PKP2: variants seen among roughly 807,000 people sequenced by gnomAD.
The protein encoded by PKP2 is plakophilin 2.
Under a neutral mutation model 83.4 loss-of-function variants are expected in PKP2, and 73 were observed. The observed-to-expected ratio is 0.88, with a 90% CI of 0.72 to 1.06. The LOEUF (loss-of-function observed/expected upper bound fraction) is 1.06. PKP2 is among the 50% of genes least tolerant of loss of function. The pLI, the probability that PKP2 is intolerant of heterozygous loss-of-function variation, is 0.00. For missense variants in PKP2, 966 were observed against 1,065.4 expected (o/e 0.91, Z 1.30); for synonymous variants, 409 against 430.4 (o/e 0.95, Z 0.62).
At chr12:32,882,458 G>A (rs537278262) in intron 1 of PKP2, among the ~76,000 whole-genome samples, 30 of 152,236 alleles carry the variant, frequency 2.0e-4, no homozygotes, top group East Asian at 1.4e-3. Context: ...AGTTAATGGC[G>A]TGCTTCTTCC....
intron 4 of PKP2, among the ~76,000 whole-genome samples, chr12:32,858,084 AATAT>A (rs869148477): frequency 0.021 from 1,419 of 66,870 alleles, 75 homozygotes; most frequent in East Asian, 0.052. Context: ...AAAAAAAAAA[AATAT>A]ATATATATAT....
intron 4 of PKP2, among the ~76,000 whole-genome samples, chr12:32,863,612 A>T (rs900743887): frequency 4.6e-5 from 7 of 152,192 alleles, no homozygotes; most frequent in African/African-American, 1.7e-4. Context: ...AAATTACCAA[A>T]GCTCACTAAA....
In PKP2 at chr12:32,802,392, TACCGACTC is replaced by T; in HGVS notation, c.2167+3_2167+10del. 1 of 1,613,328 alleles carries T rather than the reference TACCGACTC, an allele frequency of 6.2e-7. No homozygotes were observed. The highest frequency in any genetic ancestry group is 8.5e-7 in the Non-Finnish European group (1 of 1,179,350). ...TGTACATATTACACATAGATACTTATACCGACTCACCAATTTCATTCTGCAGAGAAAGA... is the reference window on the plus strand; with the variant it reads ...TGTACATATTACACATAGATACTTATACCAATTTCATTCTGCAGAGAAAGA... On this transcript the variant is annotated splice_donor_5th_base_variant and intron_variant, in intron 10 of 12. Transcript: ENST00000340811.
At chr12:32,817,209 C>T (rs1439604907) in intron 9 of PKP2, among the ~76,000 whole-genome samples, 2 of 152,184 alleles carry the variant, frequency 1.3e-5, no homozygotes, top group Non-Finnish European at 2.9e-5. Context: ...ATAAATGGTG[C>T]TGGGATAACT....
At chr12:32,798,262 A>G (rs12228489) in intron 10 of PKP2, among the ~76,000 whole-genome samples, 4 of 131,844 alleles carry the variant, frequency 3.0e-5, no homozygotes, top group East Asian at 8.8e-4. Flanking sequence ...TTTTTTGTAT[A>G]TTTTTTTTTT....
chr12:32,795,235 T>A (rs1187746914), intron 11 of PKP2, among the ~76,000 whole-genome samples: 1 of 151,948 alleles, frequency 6.6e-6, no homozygotes, highest in Non-Finnish European at 1.5e-5. Context: ...AACACAGATG[T>A]GGAATGACAT....
intron 1 of PKP2, among the ~76,000 whole-genome samples, chr12:32,890,540 T>C (rs933645741): frequency 6.6e-6 from 1 of 152,248 alleles, no homozygotes; most frequent in African/African-American, 2.4e-5. Flanking sequence ...AAGTTTCTTT[T>C]TTTCCAACTG....
chr12:32,808,624 C>T (rs985988335), intron 9 of PKP2, among the ~76,000 whole-genome samples: 5 of 152,302 alleles, frequency 3.3e-5, no homozygotes, highest in Non-Finnish European at 5.9e-5. Flanking sequence ...TGAGTTTCAG[C>T]GTTTTTGCAT....
chr12:32,881,498 G>A (rs1014901009), intron 1 of PKP2, among the ~76,000 whole-genome samples: 2 of 152,154 alleles, frequency 1.3e-5, no homozygotes, highest in Non-Finnish European at 1.5e-5. Context: ...CTGAGCTCAA[G>A]TGATCCTTCT....
chr12:32,845,362 T>C (rs1956635556), intron 5 of PKP2, among the ~76,000 whole-genome samples: 1 of 151,978 alleles, frequency 6.6e-6, no homozygotes, highest in Non-Finnish European at 1.5e-5. Context: ...CCATCCTGGC[T>C]AACATGGTAA....
intron 3 of PKP2, among the ~76,000 whole-genome samples, chr12:32,872,983 ATC>A (rs1956906676): frequency 6.6e-6 from 1 of 152,038 alleles, no homozygotes; most frequent in Admixed American, 6.5e-5. Context: ...AGTCAATATG[ATC>A]TGTTTTCTGC....
intron 5 of PKP2, among the ~76,000 whole-genome samples, chr12:32,842,559 C>T (rs73303632): frequency 9.9e-5 from 15 of 151,062 alleles, no homozygotes; most frequent in African/African-American, 3.2e-4. Flanking sequence ...TCTTTCATAC[C>T]GTAATGGGTT....
chr12:32,792,562 G>C (rs1400031630), intron 12 of PKP2, 70 bp from the exon 13 acceptor site: 1 of 1,546,672 alleles, frequency 6.5e-7, no homozygotes, highest in South Asian at 1.1e-5. Context: ...GTTTTTTAGC[G>C]ATTTCTTCCC....
chr12:32,882,108 C>A (rs181744469), intron 1 of PKP2, among the ~76,000 whole-genome samples: 1 of 152,244 alleles, frequency 6.6e-6, no homozygotes, highest in East Asian at 1.9e-4. Context: ...TTGTACAAAG[C>A]CCACAGCCAG....
chr12:32,805,002 G>T (rs1410400335), intron 9 of PKP2, among the ~76,000 whole-genome samples: 1 of 152,126 alleles, frequency 6.6e-6, no homozygotes, highest in East Asian at 1.9e-4. Flanking sequence ...ATTCTGACTG[G>T]CATGAGATGG....
chr12:32,888,065 C>A (rs980277667), intron 1 of PKP2, among the ~76,000 whole-genome samples: 1 of 151,982 alleles, frequency 6.6e-6, no homozygotes, highest in African/African-American at 2.4e-5. Flanking sequence ...ACCTGTAGTC[C>A]CAACTACTCA....
chr12:32,870,169 G>A (rs1436930926), intron 3 of PKP2, among the ~76,000 whole-genome samples: 1 of 152,212 alleles, frequency 6.6e-6, no homozygotes, highest in Admixed American at 6.5e-5. Context: ...GAGACATCCT[G>A]AGAAGGAGTT....
Position 32,802,674 on chromosome 12 carries a change from T to C in PKP2, c.2014-118A>G. The C allele has an allele frequency of 6.4e-6, 6 of 937,500 alleles. No homozygotes were observed. The South Asian group carries it at 7.1e-5, about 11-fold the overall frequency. 58.1% of individuals were successfully genotyped at this position (937,500 alleles called of 1,614,324 possible). Reference sequence around the variant, plus strand: ...TTTTATTTTTATCTTATTTATTTATTTTGAGACAAAGTCTCTCTCTGTCAT... The same window carrying C: ...TTTTATTTTTATCTTATTTATTTATCTTGAGACAAAGTCTCTCTCTGTCAT... On this transcript the variant is annotated intron_variant, in intron 9 of 12. Coordinates refer to ENST00000340811, the MANE Select transcript of PKP2 (RefSeq NM_001005242.3).
chr12:32,855,488 A>G (rs1956737124), intron 4 of PKP2, among the ~76,000 whole-genome samples: 1 of 152,224 alleles, frequency 6.6e-6, no homozygotes, highest in African/African-American at 2.4e-5. Flanking sequence ...AAAAAATGGA[A>G]TAAGGCCGGG....
Sources: gnomAD v4.1 joint callset for allele counts (sites outside exome capture counted in the v4.1 genomes callset) on GRCh38, gnomAD v4.1.1 for gene constraint, MANE v1.5 for transcripts, NCBI Gene and HGNC (gene_info 2026-07-23, HGNC 2026-07-21) for gene names.